The following PCDHA8 variants were observed in gnomAD, a reference collection of about 807,000 sequenced individuals.
PCDHA8 encodes protocadherin alpha-8.
Under a neutral mutation model 61.8 loss-of-function variants are expected in PCDHA8, and 53 were observed. The ratio of observed to expected loss-of-function variants is 0.86; its 90% CI spans 0.69 to 1.08. The LOEUF (loss-of-function observed/expected upper bound fraction) is 1.08, where lower values mean the gene tolerates loss of function less well. PCDHA8 is among the 50% of genes least tolerant of loss of function. PCDHA8 has a pLI of 0.00. For synonymous variants in PCDHA8, 618 were observed against 556.6 expected (o/e 1.11, Z -1.55); for missense variants, 1,293 against 1,245.0 (o/e 1.04, Z -0.58).
At chr5:140,855,786 GAATT>G (rs2043624411) in intron 1 of PCDHA8, 1 of 434,404 alleles carries the variant, frequency 2.3e-6, no homozygotes, top group Non-Finnish European at 4.1e-6. Context: ...CGTAAAAAAA[GAATT>G]AACATATGAA....
intron 1 of PCDHA8, among the ~76,000 whole-genome samples, chr5:140,944,925 A>T (rs1457519692): frequency 6.6e-6 from 1 of 152,158 alleles, no homozygotes; most frequent in African/African-American, 2.4e-5. Flanking sequence ...ATATTGGTTT[A>T]TGCCTTCTTT....
rs1256665914 is a variant in PCDHA8 at position 140,917,331 on chromosome 5, G to A, written c.2395-61618G>A. On this transcript the variant is annotated intron_variant, in intron 1 of 3. Transcript: ENST00000531613. ...AATTTGGTGTTCATGTGGCGGGGGA[G>A]GGGGGGGATGGTGTAGGCTTCTGTT... Among the ~76,000 whole-genome samples the A allele has an allele frequency of 5.8e-5, 8 of 137,654 alleles. 1 individual carries two copies. The East Asian group carries it at 6.7e-4, about 12-fold the overall frequency. 90.3% of individuals were successfully genotyped at this position (137,654 alleles called of 152,430 possible).
At chr5:140,895,292 C>T (rs1032250917) in intron 1 of PCDHA8, among the ~76,000 whole-genome samples, 11 of 152,044 alleles carry the variant, frequency 7.2e-5, no homozygotes, top group Non-Finnish European at 1.2e-4. Flanking sequence ...TTAGGACCTT[C>T]GATTTCCCCC....
intron 1 of PCDHA8, chr5:140,871,269 G>C (rs782046462): frequency 5.0e-6 from 8 of 1,613,822 alleles, no homozygotes; most frequent in Admixed American, 1.7e-5. Flanking sequence ...CGCTGTGGTG[G>C]TCGGCAACGC....
At chr5:140,876,759 TG>T (rs2056563971) in intron 1 of PCDHA8, 10 of 1,614,028 alleles carry the variant, frequency 6.2e-6, no homozygotes, top group African/African-American at 2.7e-5. Context: ...CTGCGCGGGA[TG>T]GGGGCTCGCC....
intron 1 of PCDHA8, among the ~76,000 whole-genome samples, chr5:140,903,704 A>G (rs2070513598): frequency 6.6e-6 from 1 of 152,234 alleles, no homozygotes; most frequent in Admixed American, 6.5e-5. Context: ...AAATAGTAAT[A>G]AAATATACAA....
At chr5:140,869,163 C>T in intron 1 of PCDHA8, 1 of 1,613,910 alleles carries the variant, frequency 6.2e-7, no homozygotes, top group Non-Finnish European at 8.5e-7. Flanking sequence ...GGCTTCTCCT[C>T]CTCGAATTCT....
At chr5:140,979,563 C>T (rs1480899524) in intron 2 of PCDHA8, among the ~76,000 whole-genome samples, 1 of 152,174 alleles carries the variant, frequency 6.6e-6, no homozygotes, top group African/African-American at 2.4e-5. Context: ...GAAGATGAGC[C>T]ATGTAAAGGG....
intron 1 of PCDHA8, chr5:140,850,636 C>G (rs782210334): frequency 1.9e-6 from 3 of 1,598,538 alleles, no homozygotes; most frequent in Non-Finnish European, 2.6e-6. Context: ...TTGGTTCTCA[C>G]GCTGCTGCTG....
chr5:140,848,554 T>G (rs1554142197), intron 1 of PCDHA8: 4 of 1,595,574 alleles, frequency 2.5e-6, no homozygotes, highest in Admixed American at 3.4e-5. Flanking sequence ...TCGCTTCTGA[T>G]CCTCGCAATG....
Position 140,862,324 on chromosome 5 carries a change from T to C in PCDHA8, c.2394+18609T>C, listed in dbSNP as rs536000037. On this transcript the variant is annotated intron_variant, in intron 1 of 3. Coordinates refer to ENST00000531613, the MANE Select transcript of PCDHA8 (RefSeq NM_018911.3). ...TGGGTACCGTCATAGCCCTAATCAGTGTAATTGACCCTAACTTCAGTGCCA... is the reference window on the plus strand; with the variant it reads ...TGGGTACCGTCATAGCCCTAATCAGCGTAATTGACCCTAACTTCAGTGCCA... 7 of 322,970 alleles carry C rather than the reference T, an allele frequency of 2.2e-5. No individual in the cohort carries two copies. In the East Asian group the frequency reaches 4.7e-4, roughly 22 times the overall value. 20.0% of individuals were successfully genotyped at this position (322,970 alleles called of 1,614,324 possible). A position where few individuals can be genotyped will look rare whatever the true frequency, so the allele number is the denominator to read the frequency against.
intron 1 of PCDHA8, chr5:140,857,675 C>T (rs1343696069): frequency 3.1e-6 from 5 of 1,596,928 alleles, no homozygotes; most frequent in Admixed American, 3.4e-5. Context: ...GGGCGTGCCG[C>T]CTCTGGGCAG....
At chr5:140,993,523 C>CAG (rs111789518) in intron 3 of PCDHA8, among the ~76,000 whole-genome samples, 24 of 145,748 alleles carry the variant, frequency 1.6e-4, no homozygotes, top group African/African-American at 5.0e-4. Flanking sequence ...GAGAGAGAGA[C>CAG]AGAGAGAGAG....
chr5:140,882,769 A>C, intron 1 of PCDHA8: 1 of 1,614,242 alleles, frequency 6.2e-7, no homozygotes, highest in Admixed American at 1.7e-5. Context: ...TAAACTCGGC[A>C]TTGACCTACC....
intron 1 of PCDHA8, among the ~76,000 whole-genome samples, chr5:140,897,322 A>C (rs1407696399): frequency 7.4e-6 from 1 of 134,448 alleles, no homozygotes; most frequent in Non-Finnish European, 1.6e-5. Context: ...TCCTAAAGCT[A>C]TCCCTCCCCC....
rs782439866 is a variant in PCDHA8, at chr5:140,871,196, A to G, written c.2394+27481A>G. ...GCTGCGCTGGTGGATGTCAACGTGT[A>G]CCTGATCATCGCCATCTGCGTGGTG... On this transcript the variant is annotated intron_variant, in intron 1 of 3. Coordinates refer to ENST00000531613, the MANE Select transcript of PCDHA8 (RefSeq NM_018911.3). 19 of 1,613,546 alleles carry G rather than the reference A, an allele frequency of 1.2e-5. No homozygotes were observed. Among genetic ancestry groups the G allele is most frequent in the Non-Finnish European group, 1.6e-5 (19 of 1,179,946 alleles).
intron 1 of PCDHA8, among the ~76,000 whole-genome samples, chr5:140,886,847 A>AT (rs2061191950): frequency 6.6e-6 from 1 of 151,038 alleles, no homozygotes; most frequent in Non-Finnish European, 1.5e-5. Flanking sequence ...AAAAAAAAAA[A>AT]GAAAGGTCTT....
At chr5:140,979,836 T>C (rs1463731318) in intron 2 of PCDHA8, among the ~76,000 whole-genome samples, 2 of 152,216 alleles carry the variant, frequency 1.3e-5, no homozygotes, top group Non-Finnish European at 2.9e-5. Flanking sequence ...GAAGAAATAA[T>C]CTTCAAACTT....
At chr5:140,861,386 G>A in intron 1 of PCDHA8, 1 of 440,552 alleles carries the variant, frequency 2.3e-6, no homozygotes, top group Non-Finnish European at 4.6e-6. Context: ...CGCAGGACCT[G>A]GGTCTGGAGC....
Sources: allele counts gnomAD v4.1 joint callset (sites outside exome capture counted in the v4.1 genomes callset), GRCh38; gene constraint gnomAD v4.1.1; transcripts MANE v1.5; gene names NCBI Gene and HGNC (gene_info 2026-07-23, HGNC 2026-07-21).